NRG1: variants seen among roughly 807,000 people sequenced by gnomAD.
The protein encoded by NRG1 is pro-neuregulin-1, membrane-bound isoform.
In NRG1, 18 loss-of-function variants were observed where a neutral mutation model predicts 63.8. The ratio of observed to expected loss-of-function variants is 0.28; its 90% CI spans 0.19 to 0.42. NRG1 has a LOEUF of 0.42. NRG1 is among the 10% of genes least tolerant of loss of function. NRG1 has a pLI of 1.00. For synonymous variants in NRG1, 302 were observed against 301.3 expected, an observed-to-expected ratio of 1.00 and a Z score of -0.02; for missense variants, 762 against 814.7, an observed-to-expected ratio of 0.94 and a Z score of 0.79.
At chr8:32,176,635 AAAAC>A (rs1337342173) in intron 1 of NRG1, among the ~76,000 whole-genome samples, 7 of 152,254 alleles carry the variant, frequency 4.6e-5, no homozygotes, top group South Asian at 2.1e-4. Context: ...TTACAAGAAA[AAAAC>A]AAACAACCCC....
chr8:32,053,082 T>G (rs762762691), intron 1 of NRG1, among the ~76,000 whole-genome samples: 1 of 152,160 alleles, frequency 6.6e-6, no homozygotes, highest in African/African-American at 2.4e-5. Flanking sequence ...GAATGAATGA[T>G]GAAAACATTG....
chr8:31,687,444 T>C (rs1809020799), intron 1 of NRG1, among the ~76,000 whole-genome samples: 1 of 152,328 alleles, frequency 6.6e-6, no homozygotes, highest in Admixed American at 6.5e-5. Flanking sequence ...CCCCTTTCTT[T>C]TGACTAATTT....
At chr8:32,337,311 T>A (rs1685113) in intron 1 of NRG1, among the ~76,000 whole-genome samples, 22,652 of 152,046 alleles carry the variant, frequency 0.15, 2,482 homozygotes, top group East Asian at 0.58. Flanking sequence ...CTGGCCTGAA[T>A]GTACTTTTTA....
chr8:32,155,345 T>G (rs949633530), intron 1 of NRG1, among the ~76,000 whole-genome samples: 1 of 152,200 alleles, frequency 6.6e-6, no homozygotes, highest in Non-Finnish European at 1.5e-5. Flanking sequence ...GTTTTCTTCC[T>G]TCAATTTTCT....
At chr8:31,935,506 C>T (rs531591032) in intron 1 of NRG1, among the ~76,000 whole-genome samples, 3 of 152,298 alleles carry the variant, frequency 2.0e-5, no homozygotes, top group African/African-American at 7.2e-5. Context: ...GGTCCTCCCG[C>T]CTCAGCCTCC....
At chr8:31,671,319 A>C (rs1807121541) in intron 1 of NRG1, among the ~76,000 whole-genome samples, 1 of 152,196 alleles carries the variant, frequency 6.6e-6, no homozygotes, top group African/African-American at 2.4e-5. Flanking sequence ...CTACCAGGGA[A>C]AAATAGAAGA....
intron 1 of NRG1, among the ~76,000 whole-genome samples, chr8:32,101,878 T>C (rs1258508584): frequency 6.6e-6 from 1 of 152,176 alleles, no homozygotes; most frequent in Admixed American, 6.5e-5. Context: ...CTAGACCAGA[T>C]ATAATCTGTT....
intron 5 of NRG1, among the ~76,000 whole-genome samples, chr8:32,689,663 T>C (rs1811077916): frequency 6.6e-6 from 1 of 152,298 alleles, no homozygotes; most frequent in South Asian, 2.1e-4. Context: ...TATGTAACAA[T>C]GTAATGCTAT....
At chr8:32,500,367 C>A (rs1309924357) in intron 1 of NRG1, among the ~76,000 whole-genome samples, 1 of 152,246 alleles carries the variant, frequency 6.6e-6, no homozygotes, top group African/African-American at 2.4e-5. Context: ...CCCGGGCCTG[C>A]CAGAAAGTTA....
intron 1 of NRG1, among the ~76,000 whole-genome samples, chr8:31,851,447 T>G (rs916347334): frequency 6.6e-6 from 1 of 152,168 alleles, no homozygotes; most frequent in African/African-American, 2.4e-5. Flanking sequence ...ATCATATTCT[T>G]TCTATTGTTT....
chr8:32,044,723 A>T (rs932367421), intron 1 of NRG1, among the ~76,000 whole-genome samples: 1 of 129,482 alleles, frequency 7.7e-6, no homozygotes, highest in South Asian at 2.2e-4. Flanking sequence ...ACAGTCAAAG[A>T]AGAAGTGTCA....
chr8:31,659,095 C>T (rs1478183144), intron 1 of NRG1, among the ~76,000 whole-genome samples: 1 of 152,088 alleles, frequency 6.6e-6, no homozygotes, highest in Non-Finnish European at 1.5e-5. Context: ...GTATGAGAAG[C>T]ACTACTTTAA....
rs557348737 is a variant in NRG1 at position 32,139,131 on chromosome 8, T to G, written c.38-456697T>G. 1.7e-4 allele frequency: 26 copies of G among 152,268 alleles called. No homozygotes were observed. In the South Asian group the frequency reaches 3.3e-3, roughly 19 times the overall value. 9.4% of individuals were successfully genotyped at this position (152,268 alleles called of 1,614,324 possible). A position where few individuals can be genotyped will look rare whatever the true frequency, so the allele number is the denominator to read the frequency against. ...ACTGAGTACCCAGATACATGCAGAG[T>G]CAAGTTTTCTAGATCACAGCCTTGT... On this transcript the variant is annotated intron_variant, in intron 1 of 10. Coordinates refer to the NRG1 transcript ENST00000519301.
chr8:32,359,117 A>G (rs1382141414), intron 1 of NRG1, among the ~76,000 whole-genome samples: 1 of 152,114 alleles, frequency 6.6e-6, no homozygotes, highest in Non-Finnish European at 1.5e-5. Context: ...CAAACAGGAT[A>G]AGTCTACGTC....
chr8:32,180,518 TCTA>T lies in NRG1; in HGVS notation c.38-415306_38-415304del, dbSNP rs530665090. On this transcript the variant is annotated intron_variant, in intron 1 of 10. Coordinates refer to the NRG1 transcript ENST00000519301. ...TCTTTAGGTGCATTAAGTAACAAGA[TCTA>T]CTAACAGGGCTAATAACTTATTATT... Among the ~76,000 whole-genome samples the T allele has an allele frequency of 3.3e-3, 500 of 152,252 alleles. 3 individuals are homozygous for T. Among genetic ancestry groups the T allele is most frequent in the South Asian group, 0.014 (69 of 4,826 alleles).
intron 1 of NRG1, among the ~76,000 whole-genome samples, chr8:32,083,830 T>A (rs1264479896): frequency 6.6e-6 from 1 of 152,134 alleles, no homozygotes; most frequent in African/African-American, 2.4e-5. Flanking sequence ...CAATTGGATA[T>A]TTACATTTCA....
chr8:32,478,825 A>G (rs1824868523), intron 1 of NRG1, among the ~76,000 whole-genome samples: 1 of 152,204 alleles, frequency 6.6e-6, no homozygotes, highest in South Asian at 2.1e-4. Context: ...AATATACTTT[A>G]AGTTTCATTT....
chr8:31,730,933 G>A (rs541731625), intron 1 of NRG1, among the ~76,000 whole-genome samples: 1 of 152,158 alleles, frequency 6.6e-6, no homozygotes, highest in African/African-American at 2.4e-5. Flanking sequence ...TAATATACAG[G>A]AAAAACAGCA....
intron 1 of NRG1, among the ~76,000 whole-genome samples, chr8:32,344,372 T>TTCTTTCTTCC (rs1554513685): frequency 0.012 from 719 of 58,742 alleles, 29 homozygotes; most frequent in Non-Finnish European, 0.019. Context: ...CTTTCTTTCT[T>TTCTTTCTTCC]TCTTTCTTTC....
Sources: allele counts gnomAD v4.1 joint callset (sites outside exome capture counted in the v4.1 genomes callset), GRCh38; gene constraint gnomAD v4.1.1; transcripts MANE v1.5; gene names NCBI Gene and HGNC (gene_info 2026-07-23, HGNC 2026-07-21).